Variants in FMNL3 observed in about 807,000 individuals in gnomAD.
The protein encoded by FMNL3 is formin like 3, also known as formin-like protein 3.
A neutral mutation model predicts 119.6 loss-of-function variants in FMNL3; 57 were observed. The ratio of observed to expected loss-of-function variants is 0.48; its 90% CI spans 0.39 to 0.59. The LOEUF is 0.59. Ranked by LOEUF, FMNL3 falls within the 20% of genes least tolerant of loss-of-function variation. The pLI is 0.00. For synonymous variants in FMNL3, 491 were observed against 507.3 expected, an observed-to-expected ratio of 0.97 and a Z score of 0.43; for missense variants, 1,053 against 1,323.5, an observed-to-expected ratio of 0.80 and a Z score of 3.17.
intron 4 of FMNL3, among the ~76,000 whole-genome samples, chr12:49,663,953 T>A (rs1358114881): frequency 1.3e-5 from 2 of 152,030 alleles, no homozygotes; most frequent in Non-Finnish European, 2.9e-5. Context: ...TTTTTTTTTT[T>A]AAGTGGCCAG....
At chr12:49,677,087 C>T (rs1394178365) in intron 1 of FMNL3, among the ~76,000 whole-genome samples, 1 of 152,170 alleles carries the variant, frequency 6.6e-6, no homozygotes, top group Non-Finnish European at 1.5e-5. Context: ...TACCTCCTTT[C>T]GAATTGCCAG....
At position 49,651,295 on chromosome 12, in the gene FMNL3, A is replaced by G; in HGVS notation, c.1673-3T>C. 6.2e-7 allele frequency: 1 copy of G among 1,611,052 alleles called. No homozygotes were observed. The highest frequency in any genetic ancestry group is 8.5e-7 in the Non-Finnish European group (1 of 1,177,394). On this transcript the variant is annotated splice_polypyrimidine_tract_variant and splice_region_variant and intron_variant, in intron 15 of 25. Transcript: ENST00000335154. ...GATAGGTTTCTTAATTCGAATGGCT[A>G]ATTTGGAAGGAGGATCAGTGACACA...
intron 4 of FMNL3, among the ~76,000 whole-genome samples, chr12:49,664,068 T>C (rs1440817133): frequency 2.6e-5 from 4 of 152,118 alleles, no homozygotes; most frequent in Non-Finnish European, 5.9e-5. Context: ...ACCAACATGG[T>C]GAAACCTCAT....
intron 6 of FMNL3, among the ~76,000 whole-genome samples, chr12:49,657,917 G>A (rs1419103860): frequency 6.6e-6 from 1 of 152,172 alleles, no homozygotes; most frequent in Non-Finnish European, 1.5e-5. Context: ...AGGCAGGGCG[G>A]CTCTTAAGAC....
At chr12:49,648,655 A>G (rs899772656) in intron 21 of FMNL3, among the ~76,000 whole-genome samples, 3 of 152,250 alleles carry the variant, frequency 2.0e-5, no homozygotes, top group African/African-American at 7.2e-5. Context: ...TGGGGCAGAA[A>G]TAACAGCTAC....
chr12:49,674,266 T>C (rs1460692159), intron 1 of FMNL3, among the ~76,000 whole-genome samples: 1 of 152,208 alleles, frequency 6.6e-6, no homozygotes, highest in African/African-American at 2.4e-5. Flanking sequence ...CTATATCCTG[T>C]GGCAGAAAGG....
Position 49,668,568 on chromosome 12 carries a change from C to A in FMNL3, c.127-14G>T. ...GTTCATGGAGCTCTGAGGAGAGAAC[C>A]TGAGTCAACAAGGCTGAAACCTCCC... On this transcript the variant is annotated splice_polypyrimidine_tract_variant and intron_variant, in intron 1 of 25. Coordinates refer to ENST00000335154, the MANE Select transcript of FMNL3 (RefSeq NM_175736.5). 2 of 1,613,554 alleles carry A rather than the reference C, an allele frequency of 1.2e-6. No individual in the cohort carries two copies. Among genetic ancestry groups the A allele is most frequent in the Non-Finnish European group, 1.7e-6 (2 of 1,179,526 alleles).
intron 1 of FMNL3, among the ~76,000 whole-genome samples, chr12:49,670,070 T>G (rs1944003078): frequency 6.6e-6 from 1 of 152,190 alleles, no homozygotes. Context: ...CATCTTTCTC[T>G]CCTTTAACTA....
chr12:49,657,055 C>T, intron 7 of FMNL3, 27 bp downstream of exon 7: 2 of 1,601,198 alleles, frequency 1.2e-6, no homozygotes, highest in Non-Finnish European at 1.7e-6. Flanking sequence ...AGAAGTAGAG[C>T]ACCTATGGCT....
chr12:49,685,191 A>C (rs1194382808), intron 1 of FMNL3, among the ~76,000 whole-genome samples: 3 of 152,158 alleles, frequency 2.0e-5, no homozygotes, highest in Non-Finnish European at 2.9e-5. Context: ...CCCAGTTTTA[A>C]AATAAGGTCC....
In FMNL3 at chr12:49,658,449, C is replaced by T; in HGVS notation, c.598G>A (p.Val200Met). The T allele has an allele frequency of 1.2e-6, 2 of 1,602,976 alleles. No individual in the cohort carries two copies. Among genetic ancestry groups the T allele is most frequent in the Non-Finnish European group, 1.7e-6 (2 of 1,173,428 alleles). ...GAGCAAAAGCACACATACCGGAGCA[C>T]AGACTGGCGCGCAGAGCGAGCGAGG... is the stretch of plus-strand genomic sequence containing the variant. ...NSLARSARQS[V>M]LRYSTLPGRR... The change falls in exon 6 of 26, where the codon GTG becomes ATG. Residue 200 changes from valine to methionine, a missense_variant. This residue lies in a region of FMNL3 where 264 missense variants were observed against 265.5 expected (regional missense o/e 0.99). Coordinates refer to ENST00000335154, the MANE Select transcript of FMNL3 (RefSeq NM_175736.5).
intron 1 of FMNL3, among the ~76,000 whole-genome samples, chr12:49,701,062 G>A (rs1211397304): frequency 4.3e-5 from 6 of 139,548 alleles, no homozygotes; most frequent in East Asian, 2.0e-4. Context: ...CCGGGCAACA[G>A]AGTGAGACTC....
intron 10 of FMNL3, 62 bp downstream of exon 10, chr12:49,654,848 T>C: frequency 6.6e-7 from 1 of 1,513,434 alleles, no homozygotes; most frequent in Admixed American, 1.8e-5. Context: ...CTCACCCCTG[T>C]TGTCAAGGAA....
At position 49,645,114 on chromosome 12, in the gene FMNL3, A is replaced by AC. The variant is rs1555215511; in HGVS notation, c.*700_*701insG. 6.6e-6 allele frequency: 1 copy of AC among 151,446 alleles called. No homozygotes were observed. The highest frequency in any genetic ancestry group is 1.5e-5 in the Non-Finnish European group (1 of 67,824). 9.4% of individuals were successfully genotyped at this position (151,446 alleles called of 1,614,324 possible). On this transcript the variant is annotated 3_prime_UTR_variant, in exon 26 of 26. Transcript: ENST00000335154. ...CTCCTTGTCCCCTGCCAAAAAAAAA[A>AC]AAAAAAAAAAAAAAACCGTAGCTGA...
chr12:49,647,629 C>A lies in FMNL3; in HGVS notation c.2778+74G>T. The A allele has an allele frequency of 7.2e-7, 1 of 1,382,290 alleles. No homozygotes were observed. Among genetic ancestry groups the A allele is most frequent in the South Asian group, 1.2e-5 (1 of 83,198 alleles). 85.6% of individuals were successfully genotyped at this position (1,382,290 alleles called of 1,614,324 possible). ...GAGGAGGAGTCGGAAAAGGCCCATA[C>A]TTTAAGCCCAGGCTTCTCTCCCCCA... On this transcript the variant is annotated intron_variant, in intron 23 of 25. Coordinates refer to ENST00000335154, the MANE Select transcript of FMNL3 (RefSeq NM_175736.5). The surrounding 1 kb of genome is among the most constrained non-coding windows in gnomAD (Gnocchi z 4.9).
At position 49,652,145 on chromosome 12, in the gene FMNL3, G is replaced by T. The variant is rs774453528; in HGVS notation, c.1391C>A (p.Ala464Asp). The T allele has an allele frequency of 9.9e-6, 16 of 1,613,182 alleles. No homozygotes were observed. The highest frequency in any genetic ancestry group is 1.3e-5 in the African/African-American group (1 of 74,916). ...LRRLIKEKEE[A>D]FQRRCHLEPN... ...CTCCAAATGACATCGACGCTGAAAG[G>T]CCTCCTCCTTCTCTTTAATGAGCCT... Residue 464 changes from alanine to aspartate, a missense_variant, in exon 14 of 26, where the codon GCC becomes GAC. By Grantham distance (126) the Ala-to-Asp change is moderately radical. Coordinates refer to ENST00000335154, the MANE Select transcript of FMNL3 (RefSeq NM_175736.5).
intron 1 of FMNL3, among the ~76,000 whole-genome samples, chr12:49,702,777 G>T (rs1323282236): frequency 3.3e-5 from 5 of 152,128 alleles, no homozygotes; most frequent in Non-Finnish European, 7.3e-5. Flanking sequence ...TGCTGTGAAA[G>T]GCCCTTTCCC....
At chr12:49,656,333 G>T (rs765239943) in intron 9 of FMNL3, 71 bp downstream of exon 9, 9 of 1,240,224 alleles carry the variant, frequency 7.3e-6, no homozygotes, top group Non-Finnish European at 1.0e-5. Context: ...AGGAAATGGT[G>T]CTTACCAACC....
intron 1 of FMNL3, among the ~76,000 whole-genome samples, chr12:49,693,252 G>A (rs1382220843): frequency 6.6e-6 from 1 of 152,186 alleles, no homozygotes; most frequent in Non-Finnish European, 1.5e-5. Context: ...AAAGCCAGAT[G>A]GTTGGCTGCA....
Sources: gnomAD v4.1 joint callset for allele counts (sites outside exome capture counted in the v4.1 genomes callset) on GRCh38, gnomAD v4.1.1 for gene constraint, gnomAD v4.1.1 regional missense constraint, Gnocchi (gnomAD v3.1) non-coding constraint, MANE v1.5 for transcripts, NCBI Gene and HGNC (gene_info 2026-07-23, HGNC 2026-07-21) for gene names.